Variants in NAV3 observed in about 807,000 individuals in gnomAD.
NAV3 encodes the protein pore membrane and/or filament interacting like protein 1.
In NAV3, 87 loss-of-function variants were observed where a neutral mutation model predicts 244.7. The ratio of observed to expected loss-of-function variants is 0.36; its 90% CI spans 0.30 to 0.42. The LOEUF is 0.42. Among genes scored for constraint, NAV3 ranks in the 20% least tolerant of loss-of-function variants. The pLI is 1.00. For missense variants in NAV3, 2,663 were observed against 2,893.3 expected, an observed-to-expected ratio of 0.92 and a Z score of 1.83; for synonymous variants, 1,126 against 1,042.2, an observed-to-expected ratio of 1.08 and a Z score of -1.55.
chr12:78,203,051 T>C (rs1325090262), intron 38 of NAV3, among the ~76,000 whole-genome samples: 3 of 152,118 alleles, frequency 2.0e-5, no homozygotes, highest in African/African-American at 4.8e-5. Context: ...CCAGATGTTT[T>C]AGTTGGAAAA....
chr12:77,696,802 T>C (rs1223454583), intron 2 of NAV3, among the ~76,000 whole-genome samples: 1 of 152,202 alleles, frequency 6.6e-6, no homozygotes, highest in Non-Finnish European at 1.5e-5. Flanking sequence ...TATAATCTAA[T>C]GCTTGAATAT....
intron 2 of NAV3, among the ~76,000 whole-genome samples, chr12:77,795,090 T>C (rs1170428247): frequency 4.6e-5 from 7 of 152,178 alleles, no homozygotes; most frequent in East Asian, 1.9e-4. Flanking sequence ...AAAGCCAAGA[T>C]AGACTGAAAG....
At chr12:77,825,619 G>A (rs576725084) in intron 2 of NAV3, among the ~76,000 whole-genome samples, 2 of 152,160 alleles carry the variant, frequency 1.3e-5, no homozygotes, top group African/African-American at 4.8e-5. Context: ...TTGAAAGAAC[G>A]GAAAGATGAC....
intron 12 of NAV3, among the ~76,000 whole-genome samples, chr12:78,069,546 A>G (rs1187839660): frequency 2.6e-5 from 4 of 151,864 alleles, no homozygotes; most frequent in East Asian, 1.9e-4. Flanking sequence ...ACTGTGTAAT[A>G]TTAGATATTA....
chr12:78,085,083 G>A (rs999034401), intron 12 of NAV3, among the ~76,000 whole-genome samples: 1 of 152,086 alleles, frequency 6.6e-6, no homozygotes, highest in Non-Finnish European at 1.5e-5. Flanking sequence ...ATAAAGTATA[G>A]AAGATATATT....
intron 1 of NAV3, among the ~76,000 whole-genome samples, chr12:77,934,878 T>C (rs945361057): frequency 6.6e-6 from 1 of 152,216 alleles, no homozygotes; most frequent in Non-Finnish European, 1.5e-5. Flanking sequence ...CTAATATTTT[T>C]AAATCCTCTG....
At chr12:77,778,785 TAAAACATCAA>T (rs1870520094) in intron 2 of NAV3, among the ~76,000 whole-genome samples, 1 of 152,144 alleles carries the variant, frequency 6.6e-6, no homozygotes, top group Admixed American at 6.5e-5. Context: ...CACATAATTA[TAAAACATCAA>T]GTATTCTCTT....
intron 1 of NAV3, among the ~76,000 whole-genome samples, chr12:77,874,758 T>A (rs371362325): frequency 6.6e-6 from 1 of 152,170 alleles, no homozygotes; most frequent in East Asian, 1.9e-4. Flanking sequence ...TGCACTAGAT[T>A]ACCATCTTTC....
chr12:78,044,264 G>T (rs1397359621), intron 9 of NAV3, among the ~76,000 whole-genome samples: 1 of 152,008 alleles, frequency 6.6e-6, no homozygotes, highest in African/African-American at 2.4e-5. Context: ...TATTTCTGAG[G>T]GCTCTGTTCT....
intron 1 of NAV3, among the ~76,000 whole-genome samples, chr12:77,904,546 T>C (rs1451079743): frequency 6.6e-6 from 1 of 152,118 alleles, no homozygotes; most frequent in Non-Finnish European, 1.5e-5. Flanking sequence ...TAATGCTAAA[T>C]GACGAGTTAA....
At chr12:77,634,345 C>G (rs1437448181) in intron 2 of NAV3, among the ~76,000 whole-genome samples, 2 of 152,122 alleles carry the variant, frequency 1.3e-5, no homozygotes, top group South Asian at 2.1e-4. Flanking sequence ...AGCAGTTCAT[C>G]TTAATTTTTC....
At chr12:78,136,777 A>G (rs1444657859) in intron 18 of NAV3, among the ~76,000 whole-genome samples, 2 of 152,174 alleles carry the variant, frequency 1.3e-5, no homozygotes, top group Middle Eastern at 3.2e-3. Flanking sequence ...TAGATGTTTT[A>G]TATTTTACTT....
intron 2 of NAV3, among the ~76,000 whole-genome samples, chr12:77,773,056 G>T (rs1263853589): frequency 3.3e-5 from 5 of 152,132 alleles, no homozygotes; most frequent in African/African-American, 1.2e-4. Context: ...GACAGAAACA[G>T]ATGGGTGCTC....
intron 8 of NAV3, among the ~76,000 whole-genome samples, chr12:78,009,204 A>C (rs1013859799): frequency 1.3e-5 from 2 of 152,150 alleles, no homozygotes; most frequent in Non-Finnish European, 2.9e-5. Context: ...CACAGCTTAG[A>C]AGTTACAGTG....
intron 1 of NAV3, among the ~76,000 whole-genome samples, chr12:77,844,819 A>G (rs550655200): frequency 6.6e-6 from 1 of 152,316 alleles, no homozygotes; most frequent in South Asian, 2.1e-4. Context: ...TTAATATGAA[A>G]TCACTAAACT....
chr12:77,679,261 C>G (rs1874342312), intron 2 of NAV3, among the ~76,000 whole-genome samples: 1 of 151,992 alleles, frequency 6.6e-6, no homozygotes, highest in Non-Finnish European at 1.5e-5. Flanking sequence ...TACTAGGGCA[C>G]TAACAGGTTA....
intron 1 of NAV3, among the ~76,000 whole-genome samples, chr12:77,853,931 G>A (rs982733265): frequency 6.6e-6 from 1 of 152,106 alleles, no homozygotes; most frequent in Non-Finnish European, 1.5e-5. Context: ...TGACTTCTAA[G>A]TCTTGGAAAG....
At chr12:77,652,768 T>A (rs1872885409) in intron 2 of NAV3, among the ~76,000 whole-genome samples, 1 of 152,206 alleles carries the variant, frequency 6.6e-6, no homozygotes, top group South Asian at 2.1e-4. Context: ...TTATAGATTG[T>A]TCAAGATAAC....
At chr12:77,666,383 T>A (rs1873719371) in intron 2 of NAV3, among the ~76,000 whole-genome samples, 1 of 152,114 alleles carries the variant, frequency 6.6e-6, no homozygotes, top group African/African-American at 2.4e-5. Context: ...TGAATGAATT[T>A]ATAATGGCTA....
Sources: gnomAD v4.1 joint callset for allele counts (sites outside exome capture counted in the v4.1 genomes callset) on GRCh38, gnomAD v4.1.1 for gene constraint, MANE v1.5 for transcripts, NCBI Gene and HGNC (gene_info 2026-07-23, HGNC 2026-07-21) for gene names.